The following LRP12 variants were observed in gnomAD, a reference collection of about 807,000 sequenced individuals.
The protein encoded by LRP12 is LDL receptor related protein 12.
In LRP12, 14 loss-of-function variants were observed where a neutral mutation model predicts 66.0. The observed-to-expected ratio is 0.21, with a 90% CI of 0.14 to 0.33. The LOEUF (loss-of-function observed/expected upper bound fraction) is 0.33, where lower values mean the gene tolerates loss of function less well. Ranked by LOEUF, LRP12 falls within the 10% of genes least tolerant of loss-of-function variation. LRP12 has a pLI of 1.00. For synonymous variants in LRP12, 357 were observed against 359.1 expected (o/e 0.99, Z 0.07); for missense variants, 889 against 1,053.4 (o/e 0.84, Z 2.16).
intron 1 of LRP12, among the ~76,000 whole-genome samples, chr8:104,577,708 G>A (rs1011059551): frequency 5.3e-5 from 8 of 151,896 alleles, no homozygotes; most frequent in African/African-American, 1.9e-4. Context: ...CTACTCGGGA[G>A]GGGGAGGCAG....
intron 1 of LRP12, among the ~76,000 whole-genome samples, chr8:104,555,503 T>C (rs190626692): frequency 1.3e-5 from 2 of 152,122 alleles, no homozygotes; most frequent in South Asian, 2.1e-4. Context: ...TATTCTTATA[T>C]CAGACAACAT....
At chr8:104,514,915 G>A (rs1192767952) in intron 2 of LRP12, among the ~76,000 whole-genome samples, 3 of 152,176 alleles carry the variant, frequency 2.0e-5, no homozygotes, top group Admixed American at 6.5e-5. Flanking sequence ...GTATTGAGAT[G>A]GCTACTAAGG....
chr8:104,515,055 G>A (rs1330705350), intron 2 of LRP12, among the ~76,000 whole-genome samples: 1 of 152,132 alleles, frequency 6.6e-6, no homozygotes, highest in African/African-American at 2.4e-5. Flanking sequence ...CTGGTTACCT[G>A]ACACAGATAA....
In LRP12 at chr8:104,588,572, G is replaced by C. The variant is rs574068071; in HGVS notation, c.79+247C>G. ...CCGCCCGCCACCCCCTCGCTCCGCCGGGGCCCTCCCGGCCGGGCCCCCCAG... is the reference window on the plus strand; with the variant it reads ...CCGCCCGCCACCCCCTCGCTCCGCCCGGGCCCTCCCGGCCGGGCCCCCCAG... On this transcript the variant is annotated intron_variant, in intron 1 of 6. Transcript: ENST00000276654. 3.2e-4 allele frequency among the ~76,000 whole-genome samples: 49 copies of C among 152,212 alleles called. No individual in the cohort carries two copies. The South Asian group carries it at 9.8e-3, about 30-fold the overall frequency.
chr8:104,501,994 G>A (rs1041633285), intron 3 of LRP12, among the ~76,000 whole-genome samples: 6 of 151,982 alleles, frequency 3.9e-5, no homozygotes, highest in South Asian at 4.1e-4. Context: ...ATAAATTTTC[G>A]TGTTTTCAAG....
At chr8:104,492,087 T>A (rs1166418664) in intron 6 of LRP12, among the ~76,000 whole-genome samples, 3 of 152,096 alleles carry the variant, frequency 2.0e-5, no homozygotes, top group Non-Finnish European at 4.4e-5. Context: ...GAATGGATAC[T>A]GAGGATTTAA....
At chr8:104,496,083 C>T (rs1344986840) in intron 5 of LRP12, 2 of 152,230 alleles carry the variant, frequency 1.3e-5, no homozygotes, top group Non-Finnish European at 2.9e-5. Context: ...ATTGTCTCCA[C>T]AGGGACATCT....
chr8:104,498,101 A>G, intron 4 of LRP12, 25 bp from the exon 5 acceptor site: 1 of 1,531,940 alleles, frequency 6.5e-7, no homozygotes, highest in Non-Finnish European at 8.7e-7. Flanking sequence ...GTAGAAATAG[A>G]TGGAAAGAGA....
At position 104,490,635 on chromosome 8, in the gene LRP12, C is replaced by A; in HGVS notation, c.*38G>T. On this transcript the variant is annotated 3_prime_UTR_variant, in exon 7 of 7. Coordinates refer to ENST00000276654, the MANE Select transcript of LRP12 (RefSeq NM_013437.5). ...GTTACAAAATAATAAATGGATATTG[C>A]TCCAACTTGTATACAATCTCCCTTA... 6.5e-7 allele frequency: 1 copy of A among 1,536,494 alleles called. No individual in the cohort carries two copies. Among genetic ancestry groups the A allele is most frequent in the Non-Finnish European group, 8.7e-7 (1 of 1,145,100 alleles).
chr8:104,573,917 T>C (rs1008297073), intron 1 of LRP12, among the ~76,000 whole-genome samples: 1 of 152,068 alleles, frequency 6.6e-6, no homozygotes, highest in Non-Finnish European at 1.5e-5. Flanking sequence ...GTATAAAAAT[T>C]ATCAGTAAAT....
At chr8:104,574,557 A>G (rs186405518) in intron 1 of LRP12, among the ~76,000 whole-genome samples, 2 of 152,298 alleles carry the variant, frequency 1.3e-5, no homozygotes, top group African/African-American at 4.8e-5. Flanking sequence ...TCATATCTAG[A>G]GGCAGAATTC....
rs749751779 is a variant in LRP12, at chr8:104,497,279, C to A, written c.1273G>T (p.Val425Phe). The stretch of plus-strand genomic sequence containing the variant: ...CAGCGATCAGAACGAGGATAACAGA[C>A]ACCATTTCGGGAACATGGAAATTCT... ...KEEFPCSRNG[V>F]CYPRSDRCNY... The change falls in exon 5 of 7, where the codon GTC becomes TTC. Residue 425 changes from valine to phenylalanine, a missense_variant. This residue lies in a region of LRP12 where 800 missense variants were observed against 964.5 expected (regional missense o/e 0.83). Transcript: ENST00000276654. This position sits in a 1 kb window ranked among gnomAD's most constrained non-coding sequence, Gnocchi z 4.3. 5 of 1,614,062 alleles carry A rather than the reference C, an allele frequency of 3.1e-6. No homozygotes were observed. The highest frequency in any genetic ancestry group is 3.4e-6 in the Non-Finnish European group (4 of 1,180,038).
At chr8:104,511,974 G>A (rs1454731368) in intron 2 of LRP12, among the ~76,000 whole-genome samples, 1 of 151,736 alleles carries the variant, frequency 6.6e-6, no homozygotes, top group African/African-American at 2.4e-5. Flanking sequence ...AATAAATGAC[G>A]TTTTAGAAAA....
intron 2 of LRP12, among the ~76,000 whole-genome samples, chr8:104,513,348 G>A (rs1811024304): frequency 1.3e-5 from 2 of 152,082 alleles, no homozygotes; most frequent in African/African-American, 4.8e-5. Flanking sequence ...TTCCTCATGT[G>A]TTGAAATACG....
chr8:104,578,656 G>C lies in LRP12; in HGVS notation c.79+10163C>G, dbSNP rs976825079. Among the ~76,000 whole-genome samples the C allele has an allele frequency of 5.9e-5, 9 of 152,164 alleles. 1 individual carries two copies. The highest frequency in any genetic ancestry group is 1.9e-4 in the African/African-American group (8 of 41,504). On this transcript the variant is annotated intron_variant, in intron 1 of 6. Transcript: ENST00000276654. ...AAAACATCAGGCCAATATTCTTCAT[G>C]AACACTGATGCAAAAATCCTCAAAA... is the stretch of plus-strand genomic sequence containing the variant.
chr8:104,513,397 C>G (rs12678866), intron 2 of LRP12, among the ~76,000 whole-genome samples: 1 of 152,128 alleles, frequency 6.6e-6, no homozygotes, highest in African/African-American at 2.4e-5. Flanking sequence ...TATTTCAGCC[C>G]TCAATCATGC....
intron 1 of LRP12, among the ~76,000 whole-genome samples, chr8:104,564,973 T>C (rs566499112): frequency 6.6e-6 from 1 of 151,598 alleles, no homozygotes; most frequent in East Asian, 1.9e-4. Context: ...TACAGACAAA[T>C]TATAATTTAG....
chr8:104,493,886 T>C (rs542871616), intron 6 of LRP12, among the ~76,000 whole-genome samples: 3 of 152,358 alleles, frequency 2.0e-5, no homozygotes, highest in Admixed American at 1.3e-4. Context: ...CTTTGTCCTA[T>C]GCATCTTTTC....
At chr8:104,558,539 G>T (rs1357202243) in intron 1 of LRP12, among the ~76,000 whole-genome samples, 1 of 152,088 alleles carries the variant, frequency 6.6e-6, no homozygotes, top group East Asian at 1.9e-4. Context: ...TCCAGACACT[G>T]GCTTAGGCAA....
Sources: gnomAD v4.1 joint callset for allele counts (sites outside exome capture counted in the v4.1 genomes callset) on GRCh38, gnomAD v4.1.1 for gene constraint, gnomAD v4.1.1 regional missense constraint, Gnocchi (gnomAD v3.1) non-coding constraint, MANE v1.5 for transcripts, NCBI Gene and HGNC (gene_info 2026-07-23, HGNC 2026-07-21) for gene names.